DESI2: variants seen among roughly 807,000 people sequenced by gnomAD.
The protein encoded by DESI2 is deubiquitinase DESI2.
A neutral mutation model predicts 24.1 loss-of-function variants in DESI2; 10 were observed. The observed-to-expected ratio is 0.41, with a 90% CI of 0.26 to 0.70. DESI2 has a LOEUF of 0.70. Ranked by LOEUF, DESI2 falls within the 30% of genes least tolerant of loss-of-function variation. The pLI, the probability that DESI2 is intolerant of heterozygous loss-of-function variation, is 0.29. For missense variants in DESI2, 122 were observed against 234.9 expected (o/e 0.52, Z 3.14); for synonymous variants, 71 against 87.7 (o/e 0.81, Z 1.06).
intron 1 of DESI2, among the ~76,000 whole-genome samples, chr1:244,684,294 C>A (rs1461542980): frequency 6.6e-6 from 1 of 152,030 alleles, no homozygotes; most frequent in Non-Finnish European, 1.5e-5. Flanking sequence ...TTTAGAAGAA[C>A]AAACAATCCT....
At chr1:244,701,932 A>G (rs1677481027) in intron 4 of DESI2, among the ~76,000 whole-genome samples, 2 of 151,944 alleles carry the variant, frequency 1.3e-5, no homozygotes, top group African/African-American at 2.4e-5. Flanking sequence ...ATAACCCTGT[A>G]CATACATCTT....
chr1:244,690,342 A>G (rs1201514055), intron 3 of DESI2, among the ~76,000 whole-genome samples: 1 of 152,122 alleles, frequency 6.6e-6, no homozygotes, highest in Non-Finnish European at 1.5e-5. Context: ...TCCTTGTGAT[A>G]GTTTGCTGAG....
chr1:244,694,499 C>T, intron 4 of DESI2: 1 of 772,302 alleles, frequency 1.3e-6, no homozygotes, highest in Non-Finnish European at 2.4e-6. Flanking sequence ...GGAATCTGTG[C>T]CTGAATCTGC....
At position 244,689,965 on chromosome 1, in the gene DESI2, T is replaced by C. The variant is rs1263081899; in HGVS notation, c.209+623T>C. Among the ~76,000 whole-genome samples, 5 of 152,220 alleles carry C rather than the reference T, an allele frequency of 3.3e-5. No individual in the cohort carries two copies. The highest frequency in any genetic ancestry group is 5.9e-5 in the Non-Finnish European group (4 of 68,032). On this transcript the variant is annotated intron_variant, in intron 3 of 4. Transcript: ENST00000302550. The surrounding 1 kb of genome is among the most constrained non-coding windows in gnomAD (Gnocchi z 4.0). ...GAAATAATTAAACAGTTGATTAGCGTAGAATCCATTGTTAAGGTACATGTA... is the reference window on the plus strand; with the variant it reads ...GAAATAATTAAACAGTTGATTAGCGCAGAATCCATTGTTAAGGTACATGTA...
chr1:244,695,724 C>G (rs1257265953), intron 4 of DESI2, among the ~76,000 whole-genome samples: 1 of 152,112 alleles, frequency 6.6e-6, no homozygotes, highest in Non-Finnish European at 1.5e-5. Context: ...ATATAATGAG[C>G]CCCTATATAA....
At chr1:244,666,436 A>AAT (rs1314577435) in intron 1 of DESI2, among the ~76,000 whole-genome samples, 1 of 152,218 alleles carries the variant, frequency 6.6e-6, no homozygotes, top group East Asian at 1.9e-4. Context: ...TCAGTGAATG[A>AAT]ATATGCTATA....
Position 244,706,228 on chromosome 1 carries a change from A to G in DESI2, c.*439A>G, listed in dbSNP as rs1160346190. 1.7e-5 allele frequency: 3 copies of G among 173,686 alleles called. No homozygotes were observed. Among genetic ancestry groups the G allele is most frequent in the Non-Finnish European group, 2.5e-5 (2 of 80,714 alleles). 10.8% of individuals were successfully genotyped at this position (173,686 alleles called of 1,614,324 possible). On this transcript the variant is annotated 3_prime_UTR_variant, in exon 5 of 5. Coordinates refer to ENST00000302550, the MANE Select transcript of DESI2 (RefSeq NM_016076.5). ...CACACAAAAAGGTACTTAAACAGTT[A>G]TAGTCACCATCACCTGCTTCAGAAT...
At chr1:244,682,289 G>A (rs773333169) in intron 1 of DESI2, among the ~76,000 whole-genome samples, 20 of 152,068 alleles carry the variant, frequency 1.3e-4, no homozygotes, top group Non-Finnish European at 2.2e-4. Flanking sequence ...TTTACAGAGC[G>A]CTGATGGGTG....
intron 2 of DESI2, among the ~76,000 whole-genome samples, chr1:244,688,265 T>C (rs1196922665): frequency 6.6e-6 from 1 of 152,234 alleles, no homozygotes; most frequent in African/African-American, 2.4e-5. Context: ...AGAATCCAAA[T>C]ATAATCTTAT....
chr1:244,662,499 C>T (rs1675885100), intron 1 of DESI2, among the ~76,000 whole-genome samples: 1 of 152,142 alleles, frequency 6.6e-6, no homozygotes, highest in African/African-American at 2.4e-5. Context: ...TTCTTCCCTC[C>T]ACCCCCATTG....
rs1677736526 is a variant in DESI2, at chr1:244,707,106, T to C, written c.*1317T>C. ...AAGAATGAATGTCCTTCATAAAATATTGGATGCAGTGTAACACTATCCAAG... is the reference window on the plus strand; with the variant it reads ...AAGAATGAATGTCCTTCATAAAATACTGGATGCAGTGTAACACTATCCAAG... On this transcript the variant is annotated 3_prime_UTR_variant, in exon 5 of 5. Transcript: ENST00000302550. 1 of 152,678 alleles carries C rather than the reference T, an allele frequency of 6.5e-6. No individual in the cohort carries two copies. Among genetic ancestry groups the C allele is most frequent in the Admixed American group, 6.5e-5 (1 of 15,288 alleles). 9.5% of individuals were successfully genotyped at this position (152,678 alleles called of 1,614,324 possible). A position where few individuals can be genotyped will look rare whatever the true frequency, so the allele number is the denominator to read the frequency against.
At chr1:244,675,282 C>CTA (rs1676380971) in intron 1 of DESI2, among the ~76,000 whole-genome samples, 1 of 152,210 alleles carries the variant, frequency 6.6e-6, no homozygotes, top group East Asian at 1.9e-4. Flanking sequence ...CTTCAAAGCA[C>CTA]TAAAGTTTTA....
Position 244,653,609 on chromosome 1 carries a change from G to T in DESI2, c.42+254G>T, listed in dbSNP as rs898108372. 3 of 532,178 alleles carry T rather than the reference G, an allele frequency of 5.6e-6. No homozygotes were observed. The African/African-American group carries it at 5.9e-5, about 10-fold the overall frequency. The allele number at this position is 532,178 out of a possible 1,614,324, so 33.0% of individuals were successfully genotyped here. On this transcript the variant is annotated intron_variant, in intron 1 of 4. Coordinates refer to ENST00000302550, the MANE Select transcript of DESI2 (RefSeq NM_016076.5). The stretch of plus-strand genomic sequence containing the variant: ...GGCTTGAACCTCTCCCATCCGCTCA[G>T]CTTGGACCCGACCCCGGCTCTGGGC...
intron 1 of DESI2, among the ~76,000 whole-genome samples, chr1:244,665,701 TAAAAG>T (rs915766702): frequency 4.6e-5 from 7 of 152,216 alleles, no homozygotes; most frequent in Non-Finnish European, 8.8e-5. Context: ...TTGAAGGCCT[TAAAAG>T]AAAAACTAAG....
At chr1:244,668,393 G>A (rs138526692) in intron 1 of DESI2, among the ~76,000 whole-genome samples, 15 of 152,226 alleles carry the variant, frequency 9.9e-5, no homozygotes, top group African/African-American at 2.4e-4. Flanking sequence ...ATTAGCCCAC[G>A]ATCTCCACTA....
At chr1:244,675,102 G>C (rs993886390) in intron 1 of DESI2, among the ~76,000 whole-genome samples, 13 of 152,096 alleles carry the variant, frequency 8.5e-5, no homozygotes, top group African/African-American at 3.1e-4. Context: ...TATCTTCTTA[G>C]AAGAAATACT....
At chr1:244,661,917 A>G (rs1461442257) in intron 1 of DESI2, among the ~76,000 whole-genome samples, 1 of 152,230 alleles carries the variant, frequency 6.6e-6, no homozygotes, top group Non-Finnish European at 1.5e-5. Context: ...TCCTTTGGGT[A>G]CATACCCAGT....
intron 1 of DESI2, among the ~76,000 whole-genome samples, chr1:244,673,681 G>C (rs1037702999): frequency 4.6e-5 from 7 of 151,964 alleles, no homozygotes; most frequent in African/African-American, 1.7e-4. Context: ...TTTCCATTGA[G>C]AGTTCCATTC....
chr1:244,661,517 A>G (rs544742125), intron 1 of DESI2, among the ~76,000 whole-genome samples: 13 of 152,030 alleles, frequency 8.6e-5, no homozygotes, highest in Non-Finnish European at 1.5e-4. Context: ...CCATTAACTC[A>G]TCATTCACAT....
Sources: allele counts gnomAD v4.1 joint callset (sites outside exome capture counted in the v4.1 genomes callset), GRCh38; gene constraint gnomAD v4.1.1; non-coding constraint Gnocchi (gnomAD v3.1); transcripts MANE v1.5; gene names NCBI Gene and HGNC (gene_info 2026-07-23, HGNC 2026-07-21).